The following MKI67 variants were observed in gnomAD, a reference collection of about 807,000 sequenced individuals.
MKI67 encodes the protein marker of proliferation Ki-67.
MKI67 carries 152 observed loss-of-function variants against 233.5 expected under a neutral mutation model. That is an observed-to-expected ratio of 0.65 (90% confidence interval 0.57 to 0.74). The LOEUF (loss-of-function observed/expected upper bound fraction) is 0.74. MKI67 is among the 30% of genes least tolerant of loss of function. The probability of loss-of-function intolerance (pLI) is 0.00; values close to 1 mark genes in which losing one functional copy is unlikely to be tolerated. For missense variants in MKI67, 3,940 were observed against 3,885.2 expected, an observed-to-expected ratio of 1.01 and a Z score of -0.37; for synonymous variants, 1,465 against 1,418.5, an observed-to-expected ratio of 1.03 and a Z score of -0.74.
intron 5 of MKI67, among the ~76,000 whole-genome samples, chr10:128,118,166 G>C (rs560877728): frequency 1.8e-4 from 27 of 152,290 alleles, no homozygotes; most frequent in Admixed American, 7.8e-4. Flanking sequence ...GGGAGGCCCA[G>C]GTGGGTGGAT....
In MKI67 at chr10:128,107,878, T is replaced by C. The variant is rs780336279; in HGVS notation, c.3962A>G (p.Asp1321Gly). 5 of 1,613,052 alleles carry C rather than the reference T, an allele frequency of 3.1e-6. No homozygotes were observed. In the African/African-American group the frequency reaches 6.7e-5, roughly 22 times the overall value. The part of the protein sequence containing the change: ...IFVGTPVQKL[D>G]LTENLTGSKR... ...GCTGCCGGTTAAGTTCTCTGTCAGGTCCAGTTTCTGCACTGGAGTTCCCAC... is the reference window on the plus strand; with the variant it reads ...GCTGCCGGTTAAGTTCTCTGTCAGGCCCAGTTTCTGCACTGGAGTTCCCAC... Residue 1321 changes from aspartate to glycine, a missense_variant, in exon 13 of 15, where the codon GAC becomes GGC. Coordinates refer to ENST00000368654, the MANE Select transcript of MKI67 (RefSeq NM_002417.5).
Position 128,104,023 on chromosome 10 carries a change from G to A in MKI67, c.7817C>T (p.Thr2606Ile). ...CTCTTTTACTTCTTTCCTGGGACGT[G>A]TCTTGGGGCATCTCTTTGTGCTCGT... Reference protein sequence around the residue: ...TATSTKRCPKTRPRKEVKEEL... With the variant: ...TATSTKRCPKIRPRKEVKEEL... The change falls in exon 13 of 15, where the codon ACA becomes ATA. Residue 2606 changes from threonine to isoleucine, a missense_variant. Coordinates refer to ENST00000368654, the MANE Select transcript of MKI67 (RefSeq NM_002417.5). The A allele has an allele frequency of 6.2e-7, 1 of 1,614,064 alleles. No individual in the cohort carries two copies. Among genetic ancestry groups the A allele is most frequent in the Admixed American group, 1.7e-5 (1 of 60,016 alleles).
chr10:128,113,584 G>A lies in MKI67; in HGVS notation c.1499C>T (p.Pro500Leu), dbSNP rs746347547. The change falls in exon 8 of 15, where the codon CCT becomes CTT. Residue 500 changes from proline to leucine, a missense_variant. Transcript: ENST00000368654. Reference sequence around the variant, plus strand: ...AAAGGACACACGCCTTCTTTTCAAAGGTATTCCCTCACTCTCATCTAAAGT... The same window carrying A: ...AAAGGACACACGCCTTCTTTTCAAAAGTATTCCCTCACTCTCATCTAAAGT... ...GDSINESEGIPLKRRRVSFGG... is the reference protein window; with the variant it reads ...GDSINESEGILLKRRRVSFGG... 1 of 1,614,124 alleles carries A rather than the reference G, an allele frequency of 6.2e-7. No individual in the cohort carries two copies. Among genetic ancestry groups the A allele is most frequent in the South Asian group, 1.1e-5 (1 of 91,092 alleles).
rs1433358308 is a variant in MKI67 at position 128,105,677 on chromosome 10, A to C, written c.6163T>G (p.Tyr2055Asp). ...GGCCACCTCTCCATCCCAGTTCCAT[A>C]GTTTGCTGGGTCCAGCATCTGCTTT... is the stretch of plus-strand genomic sequence containing the variant. ...SAKQMLDPAN[Y>D]GTGMERWPRT... Residue 2055 changes from tyrosine (Y) to aspartate (D), a missense_variant, in exon 13 of 15, where the codon TAT becomes GAT. Transcript: ENST00000368654. 6.2e-7 allele frequency: 1 copy of C among 1,612,334 alleles called. No individual in the cohort carries two copies. The highest frequency in any genetic ancestry group is 2.2e-5 in the East Asian group (1 of 44,718).
At chr10:128,116,411 T>C in intron 6 of MKI67, 80 bp downstream of exon 6, 1 of 1,278,048 alleles carries the variant, frequency 7.8e-7, no homozygotes, top group Non-Finnish European at 1.1e-6. Context: ...ACTTGCATTC[T>C]TGTTGCCCCT....
chr10:128,111,566 A>T lies in MKI67; in HGVS notation c.2260+79T>A, dbSNP rs991257539. On this transcript the variant is annotated intron_variant, in intron 11 of 14. Transcript: ENST00000368654. ...ATAATCTCTTTCACAGCAGATAAAC[A>T]AAGTTAGCAAAACAAACATTAACAC... is the stretch of plus-strand genomic sequence containing the variant. The T allele has an allele frequency of 9.4e-6, 12 of 1,270,756 alleles. No individual in the cohort carries two copies. In the African/African-American group the frequency reaches 1.7e-4, roughly 18 times the overall value. 78.7% of individuals were successfully genotyped at this position (1,270,756 alleles called of 1,614,324 possible).
rs781622410 is a variant in MKI67, at chr10:128,105,492, G to T, written c.6348C>A (p.Ser2116Arg). The part of the protein sequence containing the change: ...PPPESMDTPT[S>R]TRRRPKTPLG... The stretch of plus-strand genomic sequence containing the variant: ...AAGGTGTTTTGGGCCGCCTCCTTGT[G>T]CTTGTTGGAGTGTCCATTGATTCTG... The change falls in exon 13 of 15, where the codon AGC becomes AGA. Residue 2116 changes from serine (S) to arginine (R), a missense_variant. Coordinates refer to ENST00000368654, the MANE Select transcript of MKI67 (RefSeq NM_002417.5). The T allele has an allele frequency of 1.3e-5, 21 of 1,613,972 alleles. No homozygotes were observed. Among genetic ancestry groups the T allele is most frequent in the Non-Finnish European group, 1.8e-5 (21 of 1,180,034 alleles).
At chr10:128,124,540 C>T (rs917118631) in intron 2 of MKI67, among the ~76,000 whole-genome samples, 2 of 152,216 alleles carry the variant, frequency 1.3e-5, no homozygotes, top group Non-Finnish European at 2.9e-5. Flanking sequence ...ATCCATGGCT[C>T]CAGCCCATGT....
rs897153765 is a variant in MKI67, at chr10:128,104,597, C to T, written c.7243G>A (p.Gly2415Arg). ...ETPVQKLDLL[G>R]NLPGSKRQPQ... is the part of the protein sequence containing the mutation. ...TGTCTCTTGCTGCCAGGTAAATTTCCTAGCAGGTCCAGTTTCTGCACTGGA... is the reference window on the plus strand; with the variant it reads ...TGTCTCTTGCTGCCAGGTAAATTTCTTAGCAGGTCCAGTTTCTGCACTGGA... Residue 2415 changes from glycine (G) to arginine (R), a missense_variant, in exon 13 of 15, where the codon GGA (glycine) becomes AGA (arginine). By Grantham distance (125) the Gly-to-Arg change is moderately radical (BLOSUM62 -2). Coordinates refer to ENST00000368654, the MANE Select transcript of MKI67 (RefSeq NM_002417.5). The T allele has an allele frequency of 6.2e-6, 10 of 1,613,962 alleles. No homozygotes were observed. In the Middle Eastern group the frequency reaches 8.2e-4, roughly 133 times the overall value.
intron 6 of MKI67, among the ~76,000 whole-genome samples, 156 bp from the exon 7 acceptor site, chr10:128,116,163 T>C (rs1378765215): frequency 1.3e-5 from 2 of 152,274 alleles, no homozygotes; most frequent in Admixed American, 6.5e-5. Flanking sequence ...GCAAGTCTTA[T>C]GATACTAGTA....
At position 128,104,675 on chromosome 10, in the gene MKI67, T is replaced by A; in HGVS notation, c.7165A>T (p.Thr2389Ser). Residue 2389 changes from threonine (T) to serine (S), a missense_variant, in exon 13 of 15, where the codon ACA becomes TCA. Transcript: ENST00000368654. ...TCATCACTTACTGCTGGTTTTGGTG[T>A]GTCCATGGCTTTGCCTGCTGATGGT... ...RTPSAGKAMD[T>S]PKPAVSDEKN... The A allele has an allele frequency of 6.2e-7, 1 of 1,614,032 alleles. No individual in the cohort carries two copies. Among genetic ancestry groups the A allele is most frequent in the Non-Finnish European group, 8.5e-7 (1 of 1,180,022 alleles).
Position 128,105,450 on chromosome 10 carries a change from T to C in MKI67, c.6390A>G (p.Ile2130Met), listed in dbSNP as rs1436600468. 9 of 1,614,010 alleles carry C rather than the reference T, an allele frequency of 5.6e-6. No individual in the cohort carries two copies. Among genetic ancestry groups the C allele is most frequent in the African/African-American group, 4.0e-5 (3 of 74,902 alleles). Residue 2130 changes from isoleucine (I) to methionine (M), a missense_variant, in exon 13 of 15, where the codon ATA becomes ATG. By Grantham distance (10) the Ile-to-Met change is conservative. Coordinates refer to ENST00000368654, the MANE Select transcript of MKI67 (RefSeq NM_002417.5). Reference sequence around the variant, plus strand: ...GCTTCAGGGCTGAGAGCTCTTCCACTATATCCCTTTTCCCCAAAGGTGTTT... The same window carrying C: ...GCTTCAGGGCTGAGAGCTCTTCCACCATATCCCTTTTCCCCAAAGGTGTTT... ...RPKTPLGKRDIVEELSALKQL... is the reference protein window; with the variant it reads ...RPKTPLGKRDMVEELSALKQL...
chr10:128,107,151 G>T lies in MKI67; in HGVS notation c.4689C>A (p.Asp1563Glu). 1 of 1,613,832 alleles carries T rather than the reference G, an allele frequency of 6.2e-7. No homozygotes were observed. Among genetic ancestry groups the T allele is most frequent in the Non-Finnish European group, 8.5e-7 (1 of 1,179,986 alleles). ...AFMGTPVQKL[D>E]LTENLTGSKR... Reference sequence around the variant, plus strand: ...TGCTGCCAGTTAAGTTCTCTGTCAGGTCCAGTTTCTGCACTGGAGTTCCCA... The same window carrying T: ...TGCTGCCAGTTAAGTTCTCTGTCAGTTCCAGTTTCTGCACTGGAGTTCCCA... Residue 1563 changes from aspartate (D) to glutamate (E), a missense_variant, in exon 13 of 15, where the codon GAC becomes GAA. Transcript: ENST00000368654.
chr10:128,102,920 C>T lies in MKI67; in HGVS notation c.8920G>A (p.Val2974Met), dbSNP rs767177358. 33 of 1,614,074 alleles carry T rather than the reference C, an allele frequency of 2.0e-5. No homozygotes were observed. Among genetic ancestry groups the T allele is most frequent in the African/African-American group, 1.5e-4 (11 of 74,936 alleles). Residue 2974 changes from valine to methionine, a missense_variant, in exon 13 of 15, where the codon GTG (valine) becomes ATG (methionine). Coordinates refer to ENST00000368654, the MANE Select transcript of MKI67 (RefSeq NM_002417.5). ...TTTACAGGGTCTCTGGTGCTTACCA[C>T]GTCTCCCACGGGTTCTACTTTAGGG... ...RAPKVEPVGD[V>M]VSTRDPVKSQ... is the part of the protein sequence containing the mutation.
intron 4 of MKI67, among the ~76,000 whole-genome samples, chr10:128,120,196 CT>C (rs1852903471): frequency 6.6e-6 from 1 of 152,114 alleles, no homozygotes; most frequent in Non-Finnish European, 1.5e-5. Flanking sequence ...ACATCAAAAG[CT>C]TCCTACCTAT....
In MKI67 at chr10:128,105,216, G is replaced by A. The variant is rs755971123; in HGVS notation, c.6624C>T (p.Asp2208=). Residue 2208 remains aspartate, a synonymous_variant, in exon 13 of 15, where the codon GAC becomes GAT. Transcript: ENST00000368654. ...KELFQTPICT[D]KPTTHEKTTK... The stretch of plus-strand genomic sequence containing the variant: ...TAGTTTTCTCATGAGTCGTGGGCTT[G>A]TCAGTGCATATTGGTGTCTGGAAGA... 8 of 1,613,658 alleles carry A rather than the reference G, an allele frequency of 5.0e-6. No homozygotes were observed. The East Asian group carries it at 1.1e-4, about 22-fold the overall frequency.
At position 128,108,204 on chromosome 10, in the gene MKI67, C is replaced by T. The variant is rs4750936; in HGVS notation, c.3636G>A (p.Gln1212=). ...GAGCCTGGGCCTTTTCCTTAGGAGT[C>T]TGTAGCTGTCTTTTGCTGCCAGGTA... is the stretch of plus-strand genomic sequence containing the variant. ...GTLPGSKRQL[Q]TPKEKAQALE... Residue 1212 remains glutamine (Q), a synonymous_variant, in exon 13 of 15, where the codon CAG becomes CAA. Transcript: ENST00000368654. The T allele has an allele frequency of 0.18, 294,932 of 1,610,698 alleles. 28,197 individuals are homozygous for T. The highest frequency in any genetic ancestry group is 0.32 in the African/African-American group (23,407 of 73,990).
chr10:128,108,717 G>A lies in MKI67; in HGVS notation c.3123C>T (p.Val1041=), dbSNP rs370190441. 1.9e-5 allele frequency: 30 copies of A among 1,614,188 alleles called. No homozygotes were observed. The African/African-American group carries it at 3.2e-4, about 17-fold the overall frequency. Residue 1041 remains valine (V), a synonymous_variant, in exon 13 of 15, where the codon GTC becomes GTT. Coordinates refer to ENST00000368654, the MANE Select transcript of MKI67 (RefSeq NM_002417.5). ...CCCCTGACGTCCGTGTGAACTTGCC[G>A]ACTGCTAGGAGCTCTTCTTTCACAC... is the stretch of plus-strand genomic sequence containing the variant. ...KVGVKEELLA[V]GKFTRTSGET...
At chr10:128,101,218 T>A (rs41282876) in intron 14 of MKI67, 40 bp downstream of exon 14, 136,359 of 1,581,084 alleles carry the variant, frequency 0.086, 6,593 homozygotes, top group Non-Finnish European at 0.1. Flanking sequence ...CATCAAAACA[T>A]TCTGTGTCTT....
Sources: gnomAD v4.1 joint callset for allele counts (sites outside exome capture counted in the v4.1 genomes callset) on GRCh38, gnomAD v4.1.1 for gene constraint, MANE v1.5 for transcripts, NCBI Gene and HGNC (gene_info 2026-07-23, HGNC 2026-07-21) for gene names.